Variants in AKAP19 observed in about 807,000 individuals in gnomAD.
AKAP19 encodes small A-kinase anchoring protein.
At chr2:190,057,278 C>G in the AKAP19 span, 4 of 1,613,278 alleles carry the variant, frequency 2.5e-6, no homozygotes, top group Admixed American at 1.7e-5. Context: ...CCACAGCGGT[C>G]TACTACCATC....
At chr2:190,174,444 A>C in the AKAP19 span, among the ~76,000 whole-genome samples, 2 of 152,324 alleles carry the variant, frequency 1.3e-5, no homozygotes, top group Non-Finnish European at 1.5e-5. Context: ...CTTCAGGATA[A>C]ATATTCTAAT....
the AKAP19 span, among the ~76,000 whole-genome samples, chr2:189,991,664 A>G: frequency 6.6e-6 from 1 of 152,018 alleles, no homozygotes; most frequent in African/African-American, 2.4e-5. Flanking sequence ...TACTCTGCTG[A>G]TTATTTCTTT....
At chr2:190,115,145 G>C in the AKAP19 span, among the ~76,000 whole-genome samples, 140 of 117,402 alleles carry the variant, frequency 1.2e-3, no homozygotes, top group African/African-American at 3.9e-3. Flanking sequence ...GAAAGAGTGT[G>C]TGTGTGTGAG....
At chr2:190,181,743 G>A in the AKAP19 span, among the ~76,000 whole-genome samples, 3 of 152,124 alleles carry the variant, frequency 2.0e-5, no homozygotes, top group Non-Finnish European at 4.4e-5. Context: ...ATCTTTTTAG[G>A]ATCTAGTGTA....
chr2:190,016,639 G>T, the AKAP19 span, among the ~76,000 whole-genome samples: 3 of 152,150 alleles, frequency 2.0e-5, no homozygotes, highest in Admixed American at 6.5e-5. Flanking sequence ...TCATACAATT[G>T]TGATCAGAAA....
At chr2:190,144,438 T>G in the AKAP19 span, among the ~76,000 whole-genome samples, 1 of 152,154 alleles carries the variant, frequency 6.6e-6, no homozygotes. Flanking sequence ...AAATATTCTA[T>G]TTTATTCATT....
the AKAP19 span, among the ~76,000 whole-genome samples, chr2:190,058,630 TAAAG>T: frequency 4.0e-5 from 6 of 151,798 alleles, no homozygotes; most frequent in Admixed American, 3.3e-4. Context: ...GATGAATGGA[TAAAG>T]AAAATGTGGT....
the AKAP19 span, among the ~76,000 whole-genome samples, chr2:190,131,942 A>G: frequency 6.6e-6 from 1 of 151,530 alleles, no homozygotes; most frequent in African/African-American, 2.4e-5. Context: ...AGACTCCACC[A>G]AAAAAAAATT....
At chr2:189,963,199 C>CTCTTTTTTTT in the AKAP19 span, among the ~76,000 whole-genome samples, 9 of 136,864 alleles carry the variant, frequency 6.6e-5, no homozygotes, top group African/African-American at 2.6e-4. Context: ...CTTCACTTCT[C>CTCTTTTTTTT]TTTTTTTTTT....
chr2:189,958,539 A>G, the AKAP19 span, among the ~76,000 whole-genome samples: 4 of 148,070 alleles, frequency 2.7e-5, no homozygotes, highest in South Asian at 8.4e-4. Context: ...ATATATATAT[A>G]TATAACATTG....
chr2:190,072,554 C>T, the AKAP19 span, among the ~76,000 whole-genome samples: 1 of 152,112 alleles, frequency 6.6e-6, no homozygotes, highest in Admixed American at 6.5e-5. Context: ...ATGCTATATC[C>T]TGACAATGAA....
chr2:190,081,285 A>G, the AKAP19 span, among the ~76,000 whole-genome samples: 1,759 of 148,602 alleles, frequency 0.012, 34 homozygotes, highest in African/African-American at 0.041. Flanking sequence ...GCTACCATCT[A>G]TTTTTTCTGA....
the AKAP19 span, among the ~76,000 whole-genome samples, chr2:190,197,373 T>C: frequency 2.6e-5 from 4 of 152,218 alleles, no homozygotes; most frequent in Non-Finnish European, 5.9e-5. This position sits in a 1 kb window ranked among gnomAD's most constrained non-coding sequence, Gnocchi z 4.0. Flanking sequence ...GTATAACTTC[T>C]GGTGTCACTG....
the AKAP19 span, among the ~76,000 whole-genome samples, chr2:190,001,386 G>C: frequency 2.6e-5 from 4 of 151,916 alleles, no homozygotes; most frequent in Non-Finnish European, 4.4e-5. Context: ...CTGTTTCTTT[G>C]CATGCCTCAT....
the AKAP19 span, among the ~76,000 whole-genome samples, chr2:189,931,284 A>G: frequency 6.1e-4 from 93 of 152,302 alleles, 1 homozygote; most frequent in Non-Finnish European, 9.1e-4. Context: ...TTCACCCCAA[A>G]TGTTAACATC....
the AKAP19 span, among the ~76,000 whole-genome samples, chr2:190,024,568 T>A: frequency 6.6e-6 from 1 of 151,788 alleles, no homozygotes; most frequent in Non-Finnish European, 1.5e-5. Flanking sequence ...TAAGAGAAAG[T>A]GTATGTTCAA....
the AKAP19 span, chr2:189,930,709 C>A: frequency 1.8e-6 from 1 of 552,248 alleles, no homozygotes; most frequent in South Asian, 2.4e-5. Context: ...AATTGGGTCC[C>A]CATAAACAAA....
the AKAP19 span, among the ~76,000 whole-genome samples, chr2:189,964,331 C>T: frequency 2.0e-5 from 3 of 152,120 alleles, no homozygotes; most frequent in African/African-American, 7.2e-5. Context: ...TTTGTTGTTC[C>T]ATTTATAGAG....
the AKAP19 span, among the ~76,000 whole-genome samples, chr2:189,906,831 C>T: frequency 6.6e-6 from 1 of 152,016 alleles, no homozygotes; most frequent in Admixed American, 6.6e-5. Context: ...AAGTATTTGC[C>T]TGATACATAA....
Sources: allele counts gnomAD v4.1 joint callset (sites outside exome capture counted in the v4.1 genomes callset), GRCh38; gene constraint gnomAD v4.1.1; non-coding constraint Gnocchi (gnomAD v3.1); transcripts MANE v1.5; gene names NCBI Gene and HGNC (gene_info 2026-07-23, HGNC 2026-07-21).